Variants in OSBPL9 observed in about 807,000 individuals in gnomAD.
The protein encoded by OSBPL9 is oxysterol-binding protein-related protein 9.
OSBPL9 carries 40 observed loss-of-function variants against 106.6 expected under a neutral mutation model. The observed-to-expected ratio is 0.38, with a 90% CI of 0.29 to 0.49. The LOEUF (loss-of-function observed/expected upper bound fraction) is 0.49. Ranked by LOEUF, OSBPL9 falls within the 20% of genes least tolerant of loss-of-function variation. The pLI is 0.97. For missense variants in OSBPL9, 609 were observed against 887.2 expected (o/e 0.69, Z 3.98); for synonymous variants, 269 against 295.4 (o/e 0.91, Z 0.92).
chr1:51,617,032 T>G, upstream of OSBPL9: 26 of 381,878 alleles, frequency 6.8e-5, no homozygotes, highest in Non-Finnish European at 9.1e-5. Context: ...CCCCGCCCCC[T>G]GCGGCCCCGC....
chr1:51,614,900 A>C (rs1208780457), upstream of OSBPL9, among the ~76,000 whole-genome samples: 1 of 152,078 alleles, frequency 6.6e-6, no homozygotes, highest in African/African-American at 2.4e-5. Flanking sequence ...GGATATTAAA[A>C]CCCTGGTACT....
chr1:51,696,992 T>C (rs1293232679), intron 3 of OSBPL9, among the ~76,000 whole-genome samples: 5 of 151,544 alleles, frequency 3.3e-5, no homozygotes, highest in Admixed American at 3.3e-4. Flanking sequence ...CCCACACCCA[T>C]CTCTAAAAGA....
intron 1 of OSBPL9, among the ~76,000 whole-genome samples, chr1:51,585,276 A>C (rs1645241310): frequency 1.3e-5 from 2 of 152,038 alleles, no homozygotes; most frequent in South Asian, 2.1e-4. Context: ...TTCAGACCTG[A>C]TTCAAACCCT....
chr1:51,572,479 C>T (rs1050506840), upstream of OSBPL9, among the ~76,000 whole-genome samples: 6 of 152,154 alleles, frequency 3.9e-5, no homozygotes, highest in Admixed American at 6.6e-5. Flanking sequence ...CTCCTCTCTC[C>T]GTCACACTAA....
At chr1:51,652,150 G>A (rs971058730) in intron 2 of OSBPL9, 109 bp downstream of exon 2, 3 of 761,812 alleles carry the variant, frequency 3.9e-6, no homozygotes, top group Non-Finnish European at 6.2e-6. Context: ...TAATTGTTGG[G>A]GCAGGTATCT....
chr1:51,718,127 C>T (rs937307999), intron 4 of OSBPL9, among the ~76,000 whole-genome samples: 9 of 152,166 alleles, frequency 5.9e-5, no homozygotes, highest in African/African-American at 2.2e-4. Flanking sequence ...CACATGTTCT[C>T]ACTTATTTGT....
At chr1:51,698,802 T>TA (rs1484711597) in intron 3 of OSBPL9, among the ~76,000 whole-genome samples, 1 of 152,258 alleles carries the variant, frequency 6.6e-6, no homozygotes, top group Non-Finnish European at 1.5e-5. Flanking sequence ...AGTATAGCTT[T>TA]AATTTTACTT....
At chr1:51,722,162 A>AACAG (rs1553172927) in intron 4 of OSBPL9, among the ~76,000 whole-genome samples, 4 of 146,958 alleles carry the variant, frequency 2.7e-5, no homozygotes, top group African/African-American at 1.0e-4. Context: ...CTCTAAAATA[A>AACAG]ATAGATAGAT....
Position 51,788,848 on chromosome 1 carries a change from ATC to A in OSBPL9, c.*1061_*1062del. ...GGGAAATACAGAACTATATCTATCT[ATC>A]TATCTATCATCTTTTTTATTTAAAA... On this transcript the variant is annotated 3_prime_UTR_variant, in exon 24 of 24. Transcript: ENST00000428468. Among the ~76,000 whole-genome samples, 1 of 152,216 alleles carries A rather than the reference ATC, an allele frequency of 6.6e-6. No individual in the cohort carries two copies. Among genetic ancestry groups the A allele is most frequent in the South Asian group, 2.1e-4 (1 of 4,802 alleles).
the OSBPL9 span, among the ~76,000 whole-genome samples, chr1:51,562,444 A>G: frequency 6.6e-6 from 1 of 152,152 alleles, no homozygotes; most frequent in Non-Finnish European, 1.5e-5. Context: ...CAGACCCATG[A>G]GCCAATTAAG....
At chr1:51,590,477 G>A (rs1189532123) in intron 1 of OSBPL9, among the ~76,000 whole-genome samples, 1 of 151,746 alleles carries the variant, frequency 6.6e-6, no homozygotes, top group African/African-American at 2.4e-5. Context: ...AAAATTAGCC[G>A]GGCGTAGTGG....
rs748270149 is a variant in OSBPL9 at position 51,745,532 on chromosome 1, C to G, written c.319-4C>G. ...TAGATTTATTGCAAATTCTCTTTCT[C>G]TAGGGTTTGGATTCAGGATTTGTTC... On this transcript the variant is annotated splice_polypyrimidine_tract_variant and splice_region_variant and intron_variant, in intron 4 of 23. Coordinates refer to ENST00000428468, the MANE Select transcript of OSBPL9 (RefSeq NM_024586.6). 1.5e-5 allele frequency: 24 copies of G among 1,610,618 alleles called. No individual in the cohort carries two copies. In the Admixed American group the frequency reaches 1.5e-4, roughly 10 times the overall value.
At chr1:51,713,464 CTTAAA>C (rs1196153497) in intron 3 of OSBPL9, among the ~76,000 whole-genome samples, 7 of 151,792 alleles carry the variant, frequency 4.6e-5, no homozygotes, top group East Asian at 1.9e-4. Flanking sequence ...TTTTTTTGTT[CTTAAA>C]TTAAAGAAGT....
intron 3 of OSBPL9, among the ~76,000 whole-genome samples, chr1:51,674,319 G>A (rs1650657896): frequency 2.0e-5 from 3 of 151,712 alleles, no homozygotes; most frequent in Admixed American, 6.6e-5. Context: ...CAACTTTATT[G>A]AGGTATAACT....
Position 51,787,981 on chromosome 1 carries a change from TACGATTTTG to T in OSBPL9, c.*195_*203del. ...GCTTCCCTTTTCCCTCTGTGGCAGTTACGATTTTGACTTCAGTCCTGAGAAAAACTTCAG... is the reference window on the plus strand; with the variant it reads ...GCTTCCCTTTTCCCTCTGTGGCAGTTACTTCAGTCCTGAGAAAAACTTCAG... On this transcript the variant is annotated 3_prime_UTR_variant, in exon 24 of 24. Transcript: ENST00000428468. The T allele has an allele frequency of 1.8e-6, 1 of 564,140 alleles. No individual in the cohort carries two copies. Among genetic ancestry groups the T allele is most frequent in the Middle Eastern group, 4.7e-4 (1 of 2,140 alleles). The allele number at this position is 564,140 out of a possible 1,614,324, so 34.9% of individuals were successfully genotyped here. A position where few individuals can be genotyped will look rare whatever the true frequency, so the allele number is the denominator to read the frequency against.
rs1211464664 is a variant in OSBPL9 at position 51,617,346 on chromosome 1, G to T, written c.111+125G>T. 4 of 973,102 alleles carry T rather than the reference G, an allele frequency of 4.1e-6. No homozygotes were observed. The East Asian group carries it at 1.1e-4, about 27-fold the overall frequency. The allele number at this position is 973,102 out of a possible 1,614,324, so 60.3% of individuals were successfully genotyped here. A position where few individuals can be genotyped will look rare whatever the true frequency, so the allele number is the denominator to read the frequency against. ...TCTGGGGGTGCCGCCGTACGCGAGG[G>T]TTCCCTTGTTGGGGAGGGTTTTACG... On this transcript the variant is annotated intron_variant, in intron 1 of 23. Transcript: ENST00000428468.
At chr1:51,530,193 C>G in the OSBPL9 span, among the ~76,000 whole-genome samples, 1 of 55,630 alleles carries the variant, frequency 1.8e-5, no homozygotes, top group Non-Finnish European at 3.3e-5. Context: ...AAAAAAAAAA[C>G]AAAAAAAAAA....
intron 1 of OSBPL9, among the ~76,000 whole-genome samples, chr1:51,597,375 C>A (rs1221698269): frequency 6.7e-6 from 1 of 150,006 alleles, no homozygotes; most frequent in African/African-American, 2.5e-5. Flanking sequence ...ATATATTAAC[C>A]TGCATCAATC....
intron 18 of OSBPL9, 33 bp from the exon 19 acceptor site, chr1:51,784,231 A>C (rs756897557): frequency 8.1e-6 from 13 of 1,601,128 alleles, no homozygotes; most frequent in Non-Finnish European, 1.0e-5. Flanking sequence ...ACTTGGCACT[A>C]CTCATCAGAG....
Sources: gnomAD v4.1 joint callset for allele counts (sites outside exome capture counted in the v4.1 genomes callset) on GRCh38, gnomAD v4.1.1 for gene constraint, MANE v1.5 for transcripts, NCBI Gene and HGNC (gene_info 2026-07-23, HGNC 2026-07-21) for gene names.